Variants in SPRY4 observed in about 807,000 individuals in gnomAD.
SPRY4 encodes the protein sprouty RTK signaling antagonist 4, also known as protein sprouty homolog 4.
A neutral mutation model predicts 17.0 loss-of-function variants in SPRY4; 7 were observed. The ratio of observed to expected loss-of-function variants is 0.41; its 90% CI spans 0.23 to 0.77. The LOEUF (loss-of-function observed/expected upper bound fraction) is 0.77, where lower values mean the gene tolerates loss of function less well. SPRY4 is among the 30% of genes least tolerant of loss of function. The pLI, the probability that SPRY4 is intolerant of heterozygous loss-of-function variation, is 0.32. For missense variants in SPRY4, 435 were observed against 419.9 expected (o/e 1.04, Z -0.31); for synonymous variants, 183 against 174.1 (o/e 1.05, Z -0.40).
In SPRY4 at chr5:142,314,879, G is replaced by A. The variant is rs774674946; in HGVS notation, c.230C>T (p.Thr77Met). ...GACATCCTGGTCACAGCGGGCGGGC[G>A]TCGGGGCCAGCTCTGGGGCCCCGCC... is the stretch of plus-strand genomic sequence containing the variant. ...TRGGAPELAP[T>M]PARCDQDVTH... The change falls in exon 2 of 2, where the codon ACG becomes ATG. Residue 77 changes from threonine to methionine, a missense_variant. Thr to Met is a moderately conservative substitution (Grantham distance 81). Transcript: ENST00000434127. This position sits in a 1 kb window ranked among gnomAD's most constrained non-coding sequence, Gnocchi z 4.8. 212 of 1,598,978 alleles carry A rather than the reference G, an allele frequency of 1.3e-4. No homozygotes were observed. Among genetic ancestry groups the A allele is most frequent in the Admixed American group, 4.2e-4 (25 of 59,018 alleles).
rs1207255626 is a variant in SPRY4, at chr5:142,324,921, T to C, written c.-125A>G. On this transcript the variant is annotated 5_prime_UTR_variant, in exon 1 of 2. Coordinates refer to ENST00000434127, the MANE Select transcript of SPRY4 (RefSeq NM_001127496.3). ...AGCCGGGGCAGGTTAGCCGCCGCTG[T>C]ACTCGCAGACGCCGGTCGGAGGAAC... is the stretch of plus-strand genomic sequence containing the variant. 3.3e-5 allele frequency: 5 copies of C among 152,834 alleles called. No homozygotes were observed. Among genetic ancestry groups the C allele is most frequent in the Non-Finnish European group, 7.3e-5 (5 of 68,068 alleles). The allele number at this position is 152,834 out of a possible 1,614,324, so 9.5% of individuals were successfully genotyped here. A position where few individuals can be genotyped will look rare whatever the true frequency, so the allele number is the denominator to read the frequency against.
chr5:142,318,236 G>A, intron 1 of SPRY4: 1 of 968,616 alleles, frequency 1.0e-6, no homozygotes. Flanking sequence ...TGTAATCTCA[G>A]CCTTTTGGGA....
At chr5:142,320,395 C>CA (rs142351367) in intron 1 of SPRY4, among the ~76,000 whole-genome samples, 180 of 144,550 alleles carry the variant, frequency 1.2e-3, no homozygotes, top group East Asian at 2.2e-3. Flanking sequence ...TCAGAGATCA[C>CA]AAAAAAAAAA....
chr5:142,317,847 C>T, intron 1 of SPRY4: 9 of 985,392 alleles, frequency 9.1e-6, no homozygotes, highest in Non-Finnish European at 1.1e-5. Context: ...AGGCAGCTGT[C>T]AACATCTGGG....
At chr5:142,317,467 T>A (rs952011916) in intron 1 of SPRY4, 52 of 985,264 alleles carry the variant, frequency 5.3e-5, no homozygotes, top group Admixed American at 1.2e-4. Context: ...GAAACCGATG[T>A]CAGGAATATT....
intron 1 of SPRY4, among the ~76,000 whole-genome samples, chr5:142,323,067 T>C (rs1485048999): frequency 1.4e-5 from 2 of 147,348 alleles, no homozygotes; most frequent in African/African-American, 2.5e-5. Context: ...AGGCTGAAAA[T>C]TTCAGAGATG....
intron 1 of SPRY4, 66 bp downstream of exon 1, chr5:142,324,778 A>AG (rs1357473673): frequency 1.3e-5 from 2 of 152,748 alleles, no homozygotes; most frequent in African/African-American, 2.4e-5. Flanking sequence ...CCCCAGCCCA[A>AG]GGGGGGAGTC....
rs1461472244 is a variant in SPRY4 at position 142,312,913 on chromosome 5, T to A, written c.*1296A>T. ...ACCTTTCCCCTACCCTCTCCCCAGC[T>A]CTTCCAAGCTCTTCCGACTCCCCTG... is the stretch of plus-strand genomic sequence containing the variant. On this transcript the variant is annotated 3_prime_UTR_variant, in exon 2 of 2. Coordinates refer to ENST00000434127, the MANE Select transcript of SPRY4 (RefSeq NM_001127496.3). 2.0e-5 allele frequency: 3 copies of A among 152,574 alleles called. No homozygotes were observed. The highest frequency in any genetic ancestry group is 6.5e-5 in the Admixed American group (1 of 15,280). 9.5% of individuals were successfully genotyped at this position (152,574 alleles called of 1,614,324 possible).
chr5:142,319,736 A>ATT (rs1260172657), intron 1 of SPRY4: 1 of 1,612,036 alleles, frequency 6.2e-7, no homozygotes, highest in African/African-American at 1.3e-5. Context: ...CACTCACTGC[A>ATT]TTTGTACCTG....
chr5:142,314,894 G>A lies in SPRY4; in HGVS notation c.215C>T (p.Pro72Leu), dbSNP rs777040576. 6.2e-7 allele frequency: 1 copy of A among 1,605,808 alleles called. No homozygotes were observed. The highest frequency in any genetic ancestry group is 8.5e-7 in the Non-Finnish European group (1 of 1,174,310). ...TGPKRTRGGA[P>L]ELAPTPARCD... Reference sequence around the variant, plus strand: ...GCGGGCGGGCGTCGGGGCCAGCTCTGGGGCCCCGCCCCGGGTCCGCTTTGG... The same window carrying A: ...GCGGGCGGGCGTCGGGGCCAGCTCTAGGGCCCCGCCCCGGGTCCGCTTTGG... The change falls in exon 2 of 2, where the codon CCA becomes CTA. Residue 72 changes from proline (P) to leucine (L), a missense_variant. Coordinates refer to ENST00000434127, the MANE Select transcript of SPRY4 (RefSeq NM_001127496.3). The surrounding 1 kb of genome is among the most constrained non-coding windows in gnomAD (Gnocchi z 4.8).
chr5:142,323,245 C>G (rs1379923968), intron 1 of SPRY4, among the ~76,000 whole-genome samples: 4 of 150,808 alleles, frequency 2.7e-5, no homozygotes, highest in African/African-American at 9.7e-5. Context: ...TCCCGAGAGA[C>G]TTGTCAGGGA....
chr5:142,318,368 C>A (rs1217134258), intron 1 of SPRY4, among the ~76,000 whole-genome samples: 1 of 151,936 alleles, frequency 6.6e-6, no homozygotes, highest in Admixed American at 6.6e-5. Flanking sequence ...TGCCTGTAAT[C>A]CCAGTTACTT....
At position 142,321,147 on chromosome 5, in the gene SPRY4, C is replaced by T. The variant is rs532409153; in HGVS notation, c.-48+3697G>A. On this transcript the variant is annotated intron_variant, in intron 1 of 1. Coordinates refer to ENST00000434127, the MANE Select transcript of SPRY4 (RefSeq NM_001127496.3). ...CCCCAGACCCCGAGAGCCAAGAATACCCTCCCTCTTACATCACGCAACACC... is the reference window on the plus strand; with the variant it reads ...CCCCAGACCCCGAGAGCCAAGAATATCCTCCCTCTTACATCACGCAACACC... Among the ~76,000 whole-genome samples the T allele has an allele frequency of 2.4e-4, 37 of 152,278 alleles. No homozygotes were observed. In the South Asian group the frequency reaches 3.1e-3, roughly 13 times the overall value.
intron 1 of SPRY4, among the ~76,000 whole-genome samples, chr5:142,320,648 A>T (rs1471494231): frequency 5.9e-5 from 9 of 152,196 alleles, no homozygotes; most frequent in African/African-American, 2.2e-4. Context: ...GTAAAGAAGG[A>T]GTCAGAAGGA....
At chr5:142,315,481 A>C (rs1482886968) in intron 1 of SPRY4, 1 of 257,742 alleles carries the variant, frequency 3.9e-6, no homozygotes, top group Non-Finnish European at 7.4e-6. Context: ...TGTTGAAATT[A>C]ATTTGTCCAA....
chr5:142,319,784 A>G, intron 1 of SPRY4: 1 of 1,611,128 alleles, frequency 6.2e-7, no homozygotes, highest in Non-Finnish European at 8.5e-7. Flanking sequence ...AAACCGCTCA[A>G]TACAGGCTGG....
intron 1 of SPRY4, among the ~76,000 whole-genome samples, chr5:142,323,368 ACT>A (rs1759415600): frequency 1.3e-5 from 2 of 152,084 alleles, no homozygotes; most frequent in African/African-American, 2.4e-5. Flanking sequence ...GAATCACGCC[ACT>A]GATTTGGAGG....
At chr5:142,317,131 G>C in intron 1 of SPRY4, 1 of 985,466 alleles carries the variant, frequency 1.0e-6, no homozygotes, top group Non-Finnish European at 1.2e-6. Flanking sequence ...GAGATCCTGT[G>C]GTCAGGGCTG....
chr5:142,317,626 T>TC lies in SPRY4; in HGVS notation c.-47-2472_-47-2471insG, dbSNP rs1167285882. 4.1e-6 allele frequency: 4 copies of TC among 985,198 alleles called. No homozygotes were observed. The East Asian group carries it at 3.4e-4, about 84-fold the overall frequency. 61.0% of individuals were successfully genotyped at this position (985,198 alleles called of 1,614,324 possible). A position where few individuals can be genotyped will look rare whatever the true frequency, so the allele number is the denominator to read the frequency against. ...TTTCCTTAAGCAGATTCACTTTTTTTTTTTTTTTTCATTTGTGAGGTTCTT... is the reference window on the plus strand; with the variant it reads ...TTTCCTTAAGCAGATTCACTTTTTTTCTTTTTTTTTCATTTGTGAGGTTCTT... On this transcript the variant is annotated intron_variant, in intron 1 of 1. Transcript: ENST00000434127.
Sources: allele counts gnomAD v4.1 joint callset (sites outside exome capture counted in the v4.1 genomes callset), GRCh38; gene constraint gnomAD v4.1.1; non-coding constraint Gnocchi (gnomAD v3.1); transcripts MANE v1.5; gene names NCBI Gene and HGNC (gene_info 2026-07-23, HGNC 2026-07-21).